The following MAF variants were observed in gnomAD, a reference collection of about 807,000 sequenced individuals.
MAF encodes the protein MAF bZIP transcription factor.
A neutral mutation model predicts 22.0 loss-of-function variants in MAF; 10 were observed. The ratio of observed to expected loss-of-function variants is 0.45; its 90% confidence interval spans 0.28 to 0.77. MAF has a LOEUF of 0.77. Among genes scored for constraint, MAF ranks in the 30% least tolerant of loss-of-function variants. The probability of loss-of-function intolerance (pLI) is 0.12; values close to 1 mark genes in which losing one functional copy is unlikely to be tolerated. For missense variants in MAF, 544 were observed against 548.4 expected (o/e 0.99, Z 0.08); for synonymous variants, 337 against 255.8 (o/e 1.32, Z -3.03).
chr16:79,584,411 A>T (rs1224643187), downstream of MAF, among the ~76,000 whole-genome samples: 1 of 152,202 alleles, frequency 6.6e-6, no homozygotes, highest in Admixed American at 6.5e-5. Flanking sequence ...TCCTCCCCAG[A>T]TTCCCCATCT....
the MAF span, among the ~76,000 whole-genome samples, chr16:79,214,841 G>A: frequency 6.7e-6 from 1 of 148,516 alleles, no homozygotes; most frequent in Non-Finnish European, 1.5e-5. Context: ...CTTCAGAGTA[G>A]CTGGGATTAC....
the MAF span, among the ~76,000 whole-genome samples, chr16:79,344,731 C>T: frequency 6.6e-6 from 1 of 152,132 alleles, no homozygotes; most frequent in Admixed American, 6.5e-5. Flanking sequence ...TTATACCATC[C>T]TGTTTATTTA....
chr16:79,307,296 G>A, the MAF span, among the ~76,000 whole-genome samples: 3 of 152,218 alleles, frequency 2.0e-5, no homozygotes, highest in East Asian at 5.8e-4. Context: ...CCCAGCCTGG[G>A]CTTCTTCCCT....
the MAF span, among the ~76,000 whole-genome samples, chr16:79,330,470 C>T: frequency 3.9e-5 from 6 of 152,094 alleles, no homozygotes; most frequent in Non-Finnish European, 7.4e-5. Context: ...TGGTGAGAGC[C>T]GTACAGGAAT....
the MAF span, among the ~76,000 whole-genome samples, chr16:79,420,070 C>G: frequency 6.6e-6 from 1 of 151,776 alleles, no homozygotes; most frequent in South Asian, 2.1e-4. Flanking sequence ...AAACATACTG[C>G]AAAAGTGACT....
At chr16:79,486,151 C>G in the MAF span, among the ~76,000 whole-genome samples, 1 of 152,192 alleles carries the variant, frequency 6.6e-6, no homozygotes, top group Non-Finnish European at 1.5e-5. Flanking sequence ...CCTGCCAGCT[C>G]AGGAACCCCT....
At chr16:79,388,322 T>G in the MAF span, among the ~76,000 whole-genome samples, 8 of 151,530 alleles carry the variant, frequency 5.3e-5, no homozygotes, top group South Asian at 1.7e-3. Context: ...TTCTACAATA[T>G]AGTAAAACTA....
At chr16:79,392,538 A>G in the MAF span, among the ~76,000 whole-genome samples, 1 of 152,020 alleles carries the variant, frequency 6.6e-6, no homozygotes, top group African/African-American at 2.4e-5. Context: ...AGTAAACAAG[A>G]GAGGAGATGA....
chr16:79,474,040 A>C, the MAF span, among the ~76,000 whole-genome samples: 1 of 152,118 alleles, frequency 6.6e-6, no homozygotes, highest in Non-Finnish European at 1.5e-5. Context: ...AGGGCAAAAG[A>C]CAGAGGGCAC....
chr16:79,219,079 A>G, the MAF span, among the ~76,000 whole-genome samples: 1 of 152,350 alleles, frequency 6.6e-6, no homozygotes, highest in Non-Finnish European at 1.5e-5. Flanking sequence ...ATCTGTTTAC[A>G]AGGCCATGCC....
At chr16:79,412,800 C>T in the MAF span, among the ~76,000 whole-genome samples, 2 of 152,214 alleles carry the variant, frequency 1.3e-5, no homozygotes, top group African/African-American at 4.8e-5. Context: ...ACAACCCTCC[C>T]CCATTCACAC....
At chr16:79,576,721 A>G in the MAF span, among the ~76,000 whole-genome samples, 2 of 152,184 alleles carry the variant, frequency 1.3e-5, no homozygotes, top group Non-Finnish European at 2.9e-5. Flanking sequence ...TTTATTCCAT[A>G]TAATATTGTC....
the MAF span, among the ~76,000 whole-genome samples, chr16:79,289,977 C>T: frequency 2.0e-5 from 3 of 151,278 alleles, no homozygotes; most frequent in African/African-American, 4.9e-5. Context: ...CTGCCTCAGC[C>T]TCCTGAGTAG....
the MAF span, among the ~76,000 whole-genome samples, chr16:79,242,455 G>A: frequency 6.6e-6 from 1 of 151,012 alleles, no homozygotes; most frequent in Non-Finnish European, 1.5e-5. Context: ...AAGAGACAAA[G>A]AAGGACATTA....
chr16:79,397,602 G>T, the MAF span, among the ~76,000 whole-genome samples: 76 of 152,196 alleles, frequency 5.0e-4, no homozygotes, highest in Non-Finnish European at 1.0e-3. Flanking sequence ...GATGTAACCG[G>T]CTGGTTGCAT....
the MAF span, among the ~76,000 whole-genome samples, chr16:79,535,873 A>G: frequency 3.3e-5 from 5 of 152,142 alleles, no homozygotes; most frequent in East Asian, 1.9e-4. Context: ...ACCCGGCTGC[A>G]TTGCTACTTT....
the MAF span, among the ~76,000 whole-genome samples, chr16:79,467,662 G>A: frequency 6.6e-6 from 1 of 152,116 alleles, no homozygotes; most frequent in African/African-American, 2.4e-5. Flanking sequence ...CAGATTCTCA[G>A]GGCCCACCCT....
the MAF span, among the ~76,000 whole-genome samples, chr16:79,310,110 G>A: frequency 6.6e-6 from 1 of 152,080 alleles, no homozygotes; most frequent in Non-Finnish European, 1.5e-5. Context: ...TTTCCCCCCC[G>A]ATTTCCTTCC....
the MAF span, among the ~76,000 whole-genome samples, chr16:79,306,073 C>T: frequency 6.6e-6 from 1 of 152,224 alleles, no homozygotes; most frequent in Non-Finnish European, 1.5e-5. Flanking sequence ...TGACCACTAG[C>T]TTCCAAAGGA....
Sources: gnomAD v4.1 joint callset for allele counts (sites outside exome capture counted in the v4.1 genomes callset) on GRCh38, gnomAD v4.1.1 for gene constraint, MANE v1.5 for transcripts, NCBI Gene and HGNC (gene_info 2026-07-23, HGNC 2026-07-21) for gene names.